Variants in THSD7A observed in about 807,000 individuals in gnomAD.
THSD7A encodes thrombospondin type-1 domain-containing protein 7A.
A neutral mutation model predicts 231.3 loss-of-function variants in THSD7A; 96 were observed. That is an observed-to-expected ratio of 0.41 (90% CI 0.35 to 0.49). The LOEUF (loss-of-function observed/expected upper bound fraction) is 0.49, where lower values mean the gene tolerates loss of function less well. Among genes scored for constraint, THSD7A ranks in the 20% least tolerant of loss-of-function variants. The probability of loss-of-function intolerance (pLI) is 0.05; values close to 1 mark genes in which losing one functional copy is unlikely to be tolerated. For synonymous variants in THSD7A, 940 were observed against 743.3 expected, an observed-to-expected ratio of 1.26 and a Z score of -4.30; for missense variants, 2,290 against 2,070.2, an observed-to-expected ratio of 1.11 and a Z score of -2.06.
chr7:11,645,024 G>A (rs962495122), intron 1 of THSD7A, among the ~76,000 whole-genome samples: 3 of 151,848 alleles, frequency 2.0e-5, no homozygotes, highest in Admixed American at 6.6e-5. Flanking sequence ...ACAATTTTAA[G>A]GTTTTAAAAT....
chr7:11,411,346 G>GAACAGAAGGCTAAGTAAGA lies in THSD7A; in HGVS notation c.3683-43_3683-25dup, dbSNP rs751190008. 2.0e-6 allele frequency: 3 copies of GAACAGAAGGCTAAGTAAGA among 1,509,456 alleles called. No homozygotes were observed. Among genetic ancestry groups the GAACAGAAGGCTAAGTAAGA allele is most frequent in the Non-Finnish European group, 2.8e-6 (3 of 1,090,750 alleles). The allele number at this position is 1,509,456 out of a possible 1,614,324, so 93.5% of individuals were successfully genotyped here. A position where few individuals can be genotyped will look rare whatever the true frequency, so the allele number is the denominator to read the frequency against. ...GTCTGAAAAAAAGGGAAGCCCATCA[G>GAACAGAAGGCTAAGTAAGA]AACAGAAGGCTAAGTAAGAAACAGA... On this transcript the variant is annotated intron_variant, in intron 18 of 27. Transcript: ENST00000423059. The surrounding 1 kb of genome is among the most constrained non-coding windows in gnomAD (Gnocchi z 4.1).
chr7:11,729,336 A>C (rs1380719000), intron 1 of THSD7A, among the ~76,000 whole-genome samples: 1 of 151,732 alleles, frequency 6.6e-6, no homozygotes, highest in Non-Finnish European at 1.5e-5. Flanking sequence ...GTGGTGAAAA[A>C]ATTACTGTTA....
At chr7:11,576,254 A>G (rs1790898627) in intron 4 of THSD7A, among the ~76,000 whole-genome samples, 1 of 152,152 alleles carries the variant, frequency 6.6e-6, no homozygotes, top group Non-Finnish European at 1.5e-5. Flanking sequence ...GTCGGTATTT[A>G]TAGACAATAA....
intron 6 of THSD7A, among the ~76,000 whole-genome samples, chr7:11,488,270 A>G (rs1218600271): frequency 6.6e-6 from 1 of 152,166 alleles, no homozygotes; most frequent in Non-Finnish European, 1.5e-5. Flanking sequence ...TGAGAGTGAT[A>G]GTCTTTATAT....
intron 2 of THSD7A, among the ~76,000 whole-genome samples, chr7:11,617,966 C>A (rs1781165807): frequency 6.6e-6 from 1 of 152,060 alleles, no homozygotes; most frequent in South Asian, 2.1e-4. Flanking sequence ...TGCACATGTA[C>A]CCTAGAACTT....
chr7:11,531,530 C>T lies in THSD7A; in HGVS notation c.1822+9889G>A, dbSNP rs185130179. ...GTTGTTGTTCCTCAAATAGTCCAAG[C>T]ATTTTCTACCTCTGGGTCTTGCATT... On this transcript the variant is annotated intron_variant, in intron 6 of 27. Coordinates refer to ENST00000423059, the MANE Select transcript of THSD7A (RefSeq NM_015204.3). Among the ~76,000 whole-genome samples the T allele has an allele frequency of 6.3e-4, 96 of 152,318 alleles. No individual in the cohort carries two copies. The East Asian group carries it at 0.014, about 22-fold the overall frequency.
intron 6 of THSD7A, among the ~76,000 whole-genome samples, chr7:11,540,795 A>G (rs895068657): frequency 2.0e-5 from 3 of 152,222 alleles, no homozygotes; most frequent in African/African-American, 7.2e-5. Flanking sequence ...TTAGTTGTAA[A>G]AGTCCAAGGT....
intron 26 of THSD7A, 46 bp downstream of exon 26, chr7:11,379,024 A>G (rs1474536353): frequency 1.3e-6 from 2 of 1,589,238 alleles, no homozygotes; most frequent in Non-Finnish European, 1.7e-6. Context: ...GGCATTGCCT[A>G]AAAGAACTAA....
intron 1 of THSD7A, among the ~76,000 whole-genome samples, chr7:11,670,348 A>G (rs536068675): frequency 6.6e-6 from 1 of 152,316 alleles, no homozygotes; most frequent in South Asian, 2.1e-4. Context: ...CAAAGGCCAA[A>G]GGTTTAAGGG....
chr7:11,697,376 G>A (rs1382522046), intron 1 of THSD7A, among the ~76,000 whole-genome samples: 2 of 151,046 alleles, frequency 1.3e-5, no homozygotes, highest in East Asian at 2.0e-4. Flanking sequence ...TTTTAACTCT[G>A]TAATAATTTT....
intron 1 of THSD7A, among the ~76,000 whole-genome samples, chr7:11,744,434 A>C (rs1273883045): frequency 6.6e-6 from 1 of 151,262 alleles, no homozygotes; most frequent in South Asian, 2.1e-4. Flanking sequence ...ATTATTTTTT[A>C]TTTTTATTTT....
chr7:11,672,880 A>G (rs1257042439), intron 1 of THSD7A, among the ~76,000 whole-genome samples: 1 of 152,142 alleles, frequency 6.6e-6, no homozygotes, highest in Non-Finnish European at 1.5e-5. Context: ...TCTCCTGATT[A>G]AGAGACAGTC....
intron 4 of THSD7A, among the ~76,000 whole-genome samples, chr7:11,554,267 T>C (rs534860973): frequency 3.3e-5 from 5 of 152,098 alleles, no homozygotes; most frequent in Admixed American, 6.6e-5. Flanking sequence ...CAATGGGTGG[T>C]GTCCTTATGA....
At chr7:11,818,874 G>GTT (rs60803827) in intron 1 of THSD7A, among the ~76,000 whole-genome samples, 3 of 151,578 alleles carry the variant, frequency 2.0e-5, no homozygotes, top group Admixed American at 6.6e-5. Flanking sequence ...TTCCCATGTG[G>GTT]TTTTTTTTCA....
intron 1 of THSD7A, among the ~76,000 whole-genome samples, chr7:11,768,758 T>A (rs1305469651): frequency 6.6e-6 from 1 of 152,126 alleles, no homozygotes; most frequent in Admixed American, 6.6e-5. Flanking sequence ...TAATTTGTTA[T>A]ATAAAATGCA....
chr7:11,639,673 A>T (rs964491266), intron 1 of THSD7A, among the ~76,000 whole-genome samples: 6 of 152,038 alleles, frequency 3.9e-5, no homozygotes, highest in Non-Finnish European at 5.9e-5. Context: ...GTCTCAAAAA[A>T]AATAATAATA....
intron 1 of THSD7A, among the ~76,000 whole-genome samples, chr7:11,770,677 G>A (rs1285548056): frequency 6.6e-6 from 1 of 152,116 alleles, no homozygotes; most frequent in East Asian, 1.9e-4. Context: ...ATTCTAGATT[G>A]TGTGATTTAA....
At chr7:11,425,898 C>G (rs1376896938) in intron 15 of THSD7A, among the ~76,000 whole-genome samples, 1 of 151,828 alleles carries the variant, frequency 6.6e-6, no homozygotes, top group Non-Finnish European at 1.5e-5. Context: ...TTTTAGTGAA[C>G]TAAAAACCTA....
intron 4 of THSD7A, among the ~76,000 whole-genome samples, chr7:11,566,753 G>T (rs12538289): frequency 0.5 from 76,390 of 151,676 alleles, 19,667 homozygotes; most frequent in Admixed American, 0.66. Context: ...TATAAGCTGA[G>T]TTGGAATACT....
Sources: gnomAD v4.1 joint callset for allele counts (sites outside exome capture counted in the v4.1 genomes callset) on GRCh38, gnomAD v4.1.1 for gene constraint, Gnocchi (gnomAD v3.1) non-coding constraint, MANE v1.5 for transcripts, NCBI Gene and HGNC (gene_info 2026-07-23, HGNC 2026-07-21) for gene names.